LEMD3: variants seen among roughly 807,000 people sequenced by gnomAD.
LEMD3 encodes inner nuclear membrane protein Man1.
LEMD3 carries 33 observed loss-of-function variants against 95.2 expected under a neutral mutation model. That is an observed-to-expected ratio of 0.35 (90% CI 0.26 to 0.46). The LOEUF (loss-of-function observed/expected upper bound fraction) is 0.46. LEMD3 is among the 20% of genes least tolerant of loss of function. The probability of loss-of-function intolerance (pLI) is 1.00; values close to 1 mark genes in which losing one functional copy is unlikely to be tolerated. For missense variants in LEMD3, 1,210 were observed against 1,192.8 expected, an observed-to-expected ratio of 1.01 and a Z score of -0.21; for synonymous variants, 525 against 474.6, an observed-to-expected ratio of 1.11 and a Z score of -1.38.
chr12:65,197,964 A>G (rs1021529733), intron 1 of LEMD3, among the ~76,000 whole-genome samples: 19 of 152,196 alleles, frequency 1.2e-4, no homozygotes, highest in African/African-American at 4.6e-4. Flanking sequence ...TGTTAAATAC[A>G]TATATTGTAA....
chr12:65,238,442 A>C, intron 4 of LEMD3, 60 bp from the exon 5 acceptor site: 1 of 1,012,558 alleles, frequency 9.9e-7, no homozygotes, highest in South Asian at 1.3e-5. Context: ...TATAAAGGAT[A>C]CTTTACAGAG....
rs138190657 is a variant in LEMD3 at position 65,232,471 on chromosome 12, G to A, written c.1696-6031G>A. Among the ~76,000 whole-genome samples the A allele has an allele frequency of 2.8e-3, 420 of 152,226 alleles. 4 individuals are homozygous for A. The highest frequency in any genetic ancestry group is 4.9e-3 in the Admixed American group (75 of 15,292). On this transcript the variant is annotated intron_variant, in intron 4 of 12. Transcript: ENST00000308330. ...AAATGTTTGATGGAGTAAAATGAGT[G>A]AATAAGCCTCAGTAACATATTTTTG... is the stretch of plus-strand genomic sequence containing the variant.
chr12:65,242,584 T>A (rs1870968655), intron 9 of LEMD3, among the ~76,000 whole-genome samples: 3 of 152,142 alleles, frequency 2.0e-5, no homozygotes, highest in African/African-American at 7.2e-5. Flanking sequence ...ATCTCTCCTT[T>A]ATCCCTCTTT....
At chr12:65,243,288 A>G in intron 9 of LEMD3, 100 bp from the exon 10 acceptor site, 1 of 770,748 alleles carries the variant, frequency 1.3e-6, no homozygotes, top group Non-Finnish European at 2.4e-6. Flanking sequence ...GGCTCCTAGT[A>G]AAAGCATGCA....
Position 65,216,015 on chromosome 12 carries a change from G to A in LEMD3, c.1599G>A (p.Lys533=). ...CTCTTATGATGAACACATTATATAA[G>A]CTTCATGATCGATTGGCACAGCTTG... ...EKTLMMNTLY[K]LHDRLAQLAG... The change falls in exon 3 of 13, where the codon AAG becomes AAA. Residue 533 remains lysine, a synonymous_variant. Transcript: ENST00000308330. The A allele has an allele frequency of 1.3e-6, 2 of 1,589,854 alleles. No individual in the cohort carries two copies. Among genetic ancestry groups the A allele is most frequent in the South Asian group, 2.3e-5 (2 of 88,530 alleles).
Position 65,169,854 on chromosome 12 carries a change from C to A in LEMD3, c.258C>A (p.Ala86=). The change falls in exon 1 of 13, where the codon GCC becomes GCA. Residue 86 remains alanine, a synonymous_variant. Coordinates refer to ENST00000308330, the MANE Select transcript of LEMD3 (RefSeq NM_014319.5). ...VAAAGPAAAA[A]AGMGVRPVSG... is the part of the protein sequence containing the mutation. Reference sequence around the variant, plus strand: ...CCGCGGGACCAGCGGCGGCGGCGGCCGCGGGGATGGGGGTCCGGCCGGTCT... The same window carrying A: ...CCGCGGGACCAGCGGCGGCGGCGGCAGCGGGGATGGGGGTCCGGCCGGTCT... 1 of 1,460,824 alleles carries A rather than the reference C, an allele frequency of 6.8e-7. No individual in the cohort carries two copies. The highest frequency in any genetic ancestry group is 1.4e-5 in the South Asian group (1 of 70,046). 90.5% of individuals were successfully genotyped at this position (1,460,824 alleles called of 1,614,324 possible).
chr12:65,220,629 A>C (rs928636512), intron 4 of LEMD3, among the ~76,000 whole-genome samples: 3 of 152,174 alleles, frequency 2.0e-5, no homozygotes, highest in Admixed American at 6.5e-5. Flanking sequence ...TGTCATGTCC[A>C]AGAAATTATT....
chr12:65,246,661 A>G lies in LEMD3; in HGVS notation c.*336A>G. On this transcript the variant is annotated 3_prime_UTR_variant, in exon 13 of 13. Transcript: ENST00000308330. ...GGATAACCACACAAAAGCATGATGA[A>G]AAGGCTTCTTGTAGTCCCATAATTT... 1 of 295,484 alleles carries G rather than the reference A, an allele frequency of 3.4e-6. No individual in the cohort carries two copies. Among genetic ancestry groups the G allele is most frequent in the Non-Finnish European group, 6.4e-6 (1 of 155,160 alleles). 18.3% of individuals were successfully genotyped at this position (295,484 alleles called of 1,614,324 possible). A position where few individuals can be genotyped will look rare whatever the true frequency, so the allele number is the denominator to read the frequency against.
intron 4 of LEMD3, among the ~76,000 whole-genome samples, chr12:65,237,624 A>G (rs979556398): frequency 6.6e-6 from 1 of 152,208 alleles, no homozygotes; most frequent in African/African-American, 2.4e-5. Flanking sequence ...GGTCATTTTC[A>G]GATGCATTGG....
At position 65,170,655 on chromosome 12, in the gene LEMD3, C is replaced by T; in HGVS notation, c.1059C>T (p.Pro353=). The change falls in exon 1 of 13, where the codon CCC becomes CCT. Residue 353 remains proline (P), a synonymous_variant. Coordinates refer to ENST00000308330, the MANE Select transcript of LEMD3 (RefSeq NM_014319.5). ...GGGCDQVDSS[P]VPRYRVNAKK... Reference sequence around the variant, plus strand: ...GGTGTGATCAAGTGGACTCCAGCCCCGTTCCTAGATACCGTGTTAACGCTA... The same window carrying T: ...GGTGTGATCAAGTGGACTCCAGCCCTGTTCCTAGATACCGTGTTAACGCTA... 2.5e-6 allele frequency: 4 copies of T among 1,614,192 alleles called. No homozygotes were observed. The highest frequency in any genetic ancestry group is 2.2e-5 in the South Asian group (2 of 91,082).
chr12:65,191,310 A>G (rs1395923909), intron 1 of LEMD3, among the ~76,000 whole-genome samples: 1 of 152,134 alleles, frequency 6.6e-6, no homozygotes, highest in Non-Finnish European at 1.5e-5. Context: ...TATGATAAGA[A>G]TTTATTATGC....
chr12:65,226,404 A>G (rs1186517314), intron 4 of LEMD3, among the ~76,000 whole-genome samples: 1 of 152,136 alleles, frequency 6.6e-6, no homozygotes, highest in Non-Finnish European at 1.5e-5. Flanking sequence ...GATTTTTCAC[A>G]AATGGAATTG....
chr12:65,185,613 G>T (rs1465117866), intron 1 of LEMD3, among the ~76,000 whole-genome samples: 1 of 151,554 alleles, frequency 6.6e-6, no homozygotes, highest in Non-Finnish European at 1.5e-5. Context: ...TATAAATGAA[G>T]TCCTTTTGCT....
At chr12:65,227,107 G>A (rs752015646) in intron 4 of LEMD3, among the ~76,000 whole-genome samples, 13 of 152,136 alleles carry the variant, frequency 8.5e-5, no homozygotes, top group African/African-American at 2.7e-4. Flanking sequence ...TGGGATGGAC[G>A]AATGTCAGGG....
intron 10 of LEMD3, among the ~76,000 whole-genome samples, chr12:65,244,032 A>G (rs1871016813): frequency 1.3e-5 from 2 of 152,204 alleles, no homozygotes; most frequent in Non-Finnish European, 1.5e-5. Flanking sequence ...ACAGTATTTC[A>G]TATATAAGCT....
chr12:65,210,994 T>C, intron 2 of LEMD3, 31 bp downstream of exon 2: 1 of 1,487,122 alleles, frequency 6.7e-7, no homozygotes, highest in Non-Finnish European at 9.4e-7. Flanking sequence ...CTGATAATTT[T>C]GTGTCATGTT....
At chr12:65,204,613 T>C (rs980450001) in intron 1 of LEMD3, among the ~76,000 whole-genome samples, 4 of 152,182 alleles carry the variant, frequency 2.6e-5, no homozygotes, top group Non-Finnish European at 4.4e-5. Context: ...ATGTCTTTGC[T>C]ATTGCGAATA....
At chr12:65,237,028 A>G (rs1221759790) in intron 4 of LEMD3, among the ~76,000 whole-genome samples, 2 of 152,028 alleles carry the variant, frequency 1.3e-5, no homozygotes, top group East Asian at 1.9e-4. Flanking sequence ...ATATACATTT[A>G]TATGTTTTTG....
At chr12:65,171,484 A>G (rs73314729) in intron 1 of LEMD3, 7,813 of 266,636 alleles carry the variant, frequency 0.029, 280 homozygotes, top group African/African-American at 0.09. Context: ...GGCACATTAT[A>G]AATGTAGTGT....
Sources: gnomAD v4.1 joint callset for allele counts (sites outside exome capture counted in the v4.1 genomes callset) on GRCh38, gnomAD v4.1.1 for gene constraint, MANE v1.5 for transcripts, NCBI Gene and HGNC (gene_info 2026-07-23, HGNC 2026-07-21) for gene names.